The following ITPR2 variants were observed in gnomAD, a reference collection of about 807,000 sequenced individuals.
ITPR2 encodes inositol 1,4,5-trisphosphate-gated calcium channel ITPR2.
Under a neutral mutation model 317.1 loss-of-function variants are expected in ITPR2, and 207 were observed. The observed-to-expected ratio is 0.65, with a 90% CI of 0.58 to 0.73. ITPR2 has a LOEUF of 0.73. Ranked by LOEUF, ITPR2 falls within the 30% of genes least tolerant of loss-of-function variation. ITPR2 has a pLI of 0.00. For missense variants in ITPR2, 2,613 were observed against 3,284.0 expected (o/e 0.80, Z 4.99); for synonymous variants, 1,156 against 1,149.1 (o/e 1.01, Z -0.12).
chr12:26,548,739 A>T (rs1018759192), intron 37 of ITPR2, among the ~76,000 whole-genome samples: 6 of 152,142 alleles, frequency 3.9e-5, no homozygotes, highest in Non-Finnish European at 5.9e-5. Flanking sequence ...CACCCAAGGG[A>T]GCAGTTCTGT....
At chr12:26,653,184 C>T (rs538073078) in intron 21 of ITPR2, among the ~76,000 whole-genome samples, 1 of 151,474 alleles carries the variant, frequency 6.6e-6, no homozygotes, top group Non-Finnish European at 1.5e-5. Context: ...CCCACACTGG[C>T]GTGGCATTCA....
Position 26,436,279 on chromosome 12 carries a change from A to T in ITPR2, c.6711T>A (p.Ala2237=). 6.2e-7 allele frequency: 1 copy of T among 1,613,498 alleles called. No homozygotes were observed. The highest frequency in any genetic ancestry group is 1.7e-4 in the Middle Eastern group (1 of 6,054). The change falls in exon 48 of 57, where the codon GCT becomes GCA. Residue 2237 remains alanine (A), a synonymous_variant. Transcript: ENST00000381340. ...GAGCAACAGCTAAATTGATGAACACAGCCAGGTTGAAGGAAATGCTCCCCC... is the reference window on the plus strand; with the variant it reads ...GAGCAACAGCTAAATTGATGAACACTGCCAGGTTGAAGGAAATGCTCCCCC... ...SLWGSISFNL[A]VFINLAVALF...
chr12:26,646,134 C>T lies in ITPR2; in HGVS notation c.2740+7842G>A, dbSNP rs572023184. Among the ~76,000 whole-genome samples, 3 of 152,138 alleles carry T rather than the reference C, an allele frequency of 2.0e-5. No individual in the cohort carries two copies. The South Asian group carries it at 6.2e-4, about 32-fold the overall frequency. ...TCTAAAAAGGTTGTTTTGCAACACA[C>T]ATAAAAGAAGAACGCCATTCAATGA... On this transcript the variant is annotated intron_variant, in intron 21 of 56. Coordinates refer to ENST00000381340, the MANE Select transcript of ITPR2 (RefSeq NM_002223.4).
chr12:26,492,459 CAA>C (rs11300033), intron 39 of ITPR2, among the ~76,000 whole-genome samples: 4,146 of 142,500 alleles, frequency 0.029, 118 homozygotes, highest in African/African-American at 0.077. Context: ...TGCCCCCCAC[CAA>C]AAAAAAAAAA....
At chr12:26,528,244 C>A (rs1943858442) in intron 37 of ITPR2, among the ~76,000 whole-genome samples, 1 of 152,298 alleles carries the variant, frequency 6.6e-6, no homozygotes. Flanking sequence ...GGTTCCAGCT[C>A]CTGAGAGAGG....
intron 2 of ITPR2, among the ~76,000 whole-genome samples, chr12:26,727,555 A>G (rs1313100529): frequency 6.6e-6 from 1 of 152,246 alleles, no homozygotes; most frequent in East Asian, 1.9e-4. Context: ...CTAATTAGCG[A>G]TATCTTTGGG....
intron 21 of ITPR2, among the ~76,000 whole-genome samples, chr12:26,643,571 TTGGTAGAAATATGGA>T (rs1947040977): frequency 1.3e-5 from 2 of 152,122 alleles, no homozygotes; most frequent in Admixed American, 6.5e-5. Context: ...AAACAGAACA[TTGGTAGAAATATGGA>T]TGGTAAAGGT....
Position 26,711,303 on chromosome 12 carries a change from A to G in ITPR2, c.856-35T>C, listed in dbSNP as rs770095801. 34 of 1,424,198 alleles carry G rather than the reference A, an allele frequency of 2.4e-5. No individual in the cohort carries two copies. In the East Asian group the frequency reaches 6.6e-4, roughly 28 times the overall value. 88.2% of individuals were successfully genotyped at this position (1,424,198 alleles called of 1,614,324 possible). A position where few individuals can be genotyped will look rare whatever the true frequency, so the allele number is the denominator to read the frequency against. On this transcript the variant is annotated intron_variant, in intron 8 of 56. Transcript: ENST00000381340. ...GAGCAACGATAGTAATGGCAAAACA[A>G]TATTTATGTTCCTGGCAAGCAAACA...
chr12:26,601,293 C>T lies in ITPR2; in HGVS notation c.3678+1077G>A, dbSNP rs374070402. Among the ~76,000 whole-genome samples, 20 of 152,264 alleles carry T rather than the reference C, an allele frequency of 1.3e-4. No individual in the cohort carries two copies. In the East Asian group the frequency reaches 2.5e-3, roughly 19 times the overall value. On this transcript the variant is annotated intron_variant, in intron 28 of 56. Transcript: ENST00000381340. ...ACCCATACATATGCATATTCCCTAG[C>T]TTTGCCTATTTAGAGGGCCTATGGG...
At chr12:26,557,273 C>G (rs1944689488) in intron 35 of ITPR2, among the ~76,000 whole-genome samples, 1 of 152,200 alleles carries the variant, frequency 6.6e-6, no homozygotes, top group African/African-American at 2.4e-5. Context: ...TTTCTTCACT[C>G]TCTTCCTTGC....
chr12:26,824,117 C>T (rs1174004899), intron 1 of ITPR2, among the ~76,000 whole-genome samples: 2 of 152,282 alleles, frequency 1.3e-5, no homozygotes, highest in East Asian at 3.9e-4. Flanking sequence ...CTTAGCCTAA[C>T]CTTCTTTACG....
intron 29 of ITPR2, 24 bp from the exon 30 acceptor site, chr12:26,599,369 T>G: frequency 6.2e-7 from 1 of 1,605,480 alleles, no homozygotes; most frequent in Non-Finnish European, 8.5e-7. Context: ...AACATGCCCT[T>G]GTAATTCTGA....
At chr12:26,526,838 C>T (rs372659875) in intron 37 of ITPR2, among the ~76,000 whole-genome samples, 22 of 152,036 alleles carry the variant, frequency 1.4e-4, no homozygotes, top group African/African-American at 2.4e-4. Flanking sequence ...CCATAAGGGG[C>T]GAGAGATAAG....
At position 26,442,758 on chromosome 12, in the gene ITPR2, G is replaced by GT. The variant is rs533799573; in HGVS notation, c.6450+784dup. Among the ~76,000 whole-genome samples the GT allele has an allele frequency of 3.4e-3, 516 of 152,240 alleles. 6 individuals carry two copies. The highest frequency in any genetic ancestry group is 3.4e-3 in the Middle Eastern group (1 of 294). On this transcript the variant is annotated intron_variant, in intron 46 of 56. Transcript: ENST00000381340. ...GTTTGACAATAGTAAACAATACAGTGTAGGGGTTATATATCTTGAGAGTGA... is the reference window on the plus strand; with the variant it reads ...GTTTGACAATAGTAAACAATACAGTGTTAGGGGTTATATATCTTGAGAGTGA...
At chr12:26,520,103 C>A (rs764706632) in intron 37 of ITPR2, among the ~76,000 whole-genome samples, 26 of 152,138 alleles carry the variant, frequency 1.7e-4, no homozygotes, top group Non-Finnish European at 3.5e-4. Flanking sequence ...ATTACCTATT[C>A]AAAAATTAAA....
intron 2 of ITPR2, among the ~76,000 whole-genome samples, chr12:26,752,172 G>A (rs935821256): frequency 2.6e-5 from 4 of 152,124 alleles, no homozygotes; most frequent in African/African-American, 9.7e-5. Context: ...ACTTACTTGA[G>A]TTTGTTTCTC....
chr12:26,774,553 G>A (rs1045379715), intron 2 of ITPR2, among the ~76,000 whole-genome samples: 1 of 152,172 alleles, frequency 6.6e-6, no homozygotes, highest in Non-Finnish European at 1.5e-5. Context: ...CCAACAATAT[G>A]CTAAACACTG....
intron 55 of ITPR2, among the ~76,000 whole-genome samples, chr12:26,373,388 C>G (rs754755586): frequency 1.3e-5 from 2 of 152,142 alleles, no homozygotes; most frequent in African/African-American, 4.8e-5. Flanking sequence ...TATATCACAA[C>G]CTGTTGCCAA....
intron 1 of ITPR2, among the ~76,000 whole-genome samples, chr12:26,826,271 C>T (rs1202007460): frequency 2.0e-5 from 3 of 150,088 alleles, no homozygotes; most frequent in Admixed American, 6.6e-5. Context: ...ATTTTTAAAA[C>T]TGTAATAAGA....
Sources: allele counts gnomAD v4.1 joint callset (sites outside exome capture counted in the v4.1 genomes callset), GRCh38; gene constraint gnomAD v4.1.1; transcripts MANE v1.5; gene names NCBI Gene and HGNC (gene_info 2026-07-23, HGNC 2026-07-21).